ZNF516: variants seen among roughly 807,000 people sequenced by gnomAD.
The protein encoded by ZNF516 is zinc finger protein 516.
ZNF516 carries 19 observed loss-of-function variants against 79.7 expected under a neutral mutation model. The observed-to-expected ratio is 0.24, with a 90% confidence interval of 0.17 to 0.35. The LOEUF (loss-of-function observed/expected upper bound fraction) is 0.35, where lower values mean the gene tolerates loss of function less well. Among genes scored for constraint, ZNF516 ranks in the 10% least tolerant of loss-of-function variants. The pLI, the probability that ZNF516 is intolerant of heterozygous loss-of-function variation, is 1.00. For synonymous variants in ZNF516, 877 were observed against 739.5 expected, an observed-to-expected ratio of 1.19 and a Z score of -3.02; for missense variants, 1,678 against 1,679.5, an observed-to-expected ratio of 1.00 and a Z score of 0.02.
At chr18:76,407,493 G>A (rs936752191) in intron 3 of ZNF516, among the ~76,000 whole-genome samples, 2 of 152,050 alleles carry the variant, frequency 1.3e-5, no homozygotes, top group South Asian at 2.1e-4. Flanking sequence ...ACAGGGGCTC[G>A]GGCGGCAGCA....
intron 4 of ZNF516, among the ~76,000 whole-genome samples, chr18:76,374,016 A>C (rs982525131): frequency 1.3e-5 from 2 of 152,236 alleles, no homozygotes; most frequent in Non-Finnish European, 2.9e-5. Context: ...TCAGAGAGGG[A>C]CACCCAGCCC....
chr18:76,443,019 C>T lies in ZNF516; in HGVS notation c.36G>A (p.Arg12=). ...CGGCCCTGGTGGGGCTGGGGCCTCG[C>T]CTCAGCTCCATCTCGGCCTCTCTGT... is the stretch of plus-strand genomic sequence containing the variant. ...DRNREAEMEL[R]RGPSPTRAGR... The change falls in exon 3 of 7, where the codon AGG becomes AGA. Residue 12 remains arginine (R), a synonymous_variant. Coordinates refer to ENST00000443185, the MANE Select transcript of ZNF516 (RefSeq NM_014643.4). 6.3e-7 allele frequency: 1 copy of T among 1,598,172 alleles called. No individual in the cohort carries two copies. The highest frequency in any genetic ancestry group is 8.5e-7 in the Non-Finnish European group (1 of 1,177,546).
At chr18:76,401,559 G>A (rs909876802) in intron 3 of ZNF516, among the ~76,000 whole-genome samples, 1 of 151,972 alleles carries the variant, frequency 6.6e-6, no homozygotes, top group African/African-American at 2.4e-5. Flanking sequence ...TCCGCCCACG[G>A]GCTTCTCCGA....
intron 3 of ZNF516, among the ~76,000 whole-genome samples, chr18:76,415,054 C>T (rs892769345): frequency 4.6e-5 from 7 of 152,090 alleles, no homozygotes; most frequent in African/African-American, 1.7e-4. Context: ...AAAAATTAGC[C>T]AAGTGTAGTG....
At chr18:76,479,568 C>A (rs781045682) in intron 1 of ZNF516, among the ~76,000 whole-genome samples, 1 of 152,218 alleles carries the variant, frequency 6.6e-6, no homozygotes, top group East Asian at 1.9e-4. Flanking sequence ...GCGTTCGTAA[C>A]GGGCCAGAAG....
chr18:76,432,123 TG>T (rs1293620204), intron 3 of ZNF516, among the ~76,000 whole-genome samples: 1 of 152,260 alleles, frequency 6.6e-6, no homozygotes, highest in Non-Finnish European at 1.5e-5. Flanking sequence ...GGACAGGCTT[TG>T]GGATCTATCT....
At chr18:76,387,187 G>C (rs369531224) in intron 3 of ZNF516, 1 of 152,312 alleles carries the variant, frequency 6.6e-6, no homozygotes, top group Non-Finnish European at 1.5e-5. Flanking sequence ...GGTCAGACAC[G>C]TGCACAAAAT....
intron 2 of ZNF516, among the ~76,000 whole-genome samples, chr18:76,457,956 C>T: frequency 6.6e-6 from 1 of 152,182 alleles, no homozygotes; most frequent in East Asian, 1.9e-4. Context: ...AGATAAGCTT[C>T]TTCTCACCTT....
intron 3 of ZNF516, among the ~76,000 whole-genome samples, chr18:76,409,020 A>T (rs1012993700): frequency 1.6e-4 from 25 of 151,904 alleles, no homozygotes; most frequent in East Asian, 9.6e-4. Context: ...AAGAAGCTAT[A>T]AAAAAAATCA....
Position 76,443,183 on chromosome 18 carries a change from T to G in ZNF516, c.-129A>C, listed in dbSNP as rs1911831686. On this transcript the variant is annotated 5_prime_UTR_variant, in exon 3 of 7. The change abolishes an upstream ATG in the 5' untranslated region. Coordinates refer to ENST00000443185, the MANE Select transcript of ZNF516 (RefSeq NM_014643.4). ...GCTCCCAGGAGGTGCACCTTCTACA[T>G]GGGGGGCGCAGCAGCTGGCAGCCAG... 1.5e-6 allele frequency: 2 copies of G among 1,361,128 alleles called. No homozygotes were observed. Among genetic ancestry groups the G allele is most frequent in the Non-Finnish European group, 1.9e-6 (2 of 1,039,158 alleles). The allele number at this position is 1,361,128 out of a possible 1,614,324, so 84.3% of individuals were successfully genotyped here. A position where few individuals can be genotyped will look rare whatever the true frequency, so the allele number is the denominator to read the frequency against.
At chr18:76,479,004 C>T (rs1025563702) in intron 1 of ZNF516, among the ~76,000 whole-genome samples, 23 of 151,728 alleles carry the variant, frequency 1.5e-4, no homozygotes, top group Admixed American at 6.6e-5. Context: ...TGCAGTGAGC[C>T]GAGATCATGC....
chr18:76,408,938 C>G (rs1050582370), intron 3 of ZNF516, among the ~76,000 whole-genome samples: 1 of 152,144 alleles, frequency 6.6e-6, no homozygotes. Flanking sequence ...TGAGGTTCCG[C>G]CCCCACTCAG....
chr18:76,360,647 ATATATATATATATATAT>A lies in ZNF516; in HGVS notation c.*1834_*1850del, dbSNP rs1388883082. 3 of 61,798 alleles carry A rather than the reference ATATATATATATATATAT, an allele frequency of 4.9e-5. No homozygotes were observed. Among genetic ancestry groups the A allele is most frequent in the African/African-American group, 1.9e-4 (3 of 15,626 alleles). 3.8% of individuals were successfully genotyped at this position (61,798 alleles called of 1,614,324 possible). Reference sequence around the variant, plus strand: ...AAAAAATAAGTAAAAAAAAAAAAAAATATATATATATATATATATATATATATATATAAGCTAGCCAG... The same window carrying A: ...AAAAAATAAGTAAAAAAAAAAAAAAAATATATATATATATAAGCTAGCCAG... On this transcript the variant is annotated 3_prime_UTR_variant, in exon 7 of 7. Coordinates refer to ENST00000443185, the MANE Select transcript of ZNF516 (RefSeq NM_014643.4).
chr18:76,425,620 T>C lies in ZNF516; in HGVS notation c.1810+15625A>G, dbSNP rs117547540. Among the ~76,000 whole-genome samples the C allele has an allele frequency of 2.0e-3, 298 of 152,334 alleles. 2 individuals are homozygous for C. In the East Asian group the frequency reaches 0.024, roughly 12 times the overall value. ...TGTCTCAGGAAGACCGAAGGAATTC[T>C]TGGGGCTGTTTCGATTTTGAATTCA... On this transcript the variant is annotated intron_variant, in intron 3 of 6. Coordinates refer to ENST00000443185, the MANE Select transcript of ZNF516 (RefSeq NM_014643.4).
chr18:76,357,782 C>T lies in ZNF516; in HGVS notation c.*4716G>A, dbSNP rs73477126. Among the ~76,000 whole-genome samples the T allele has an allele frequency of 0.024, 3,695 of 152,230 alleles. 167 individuals are homozygous for T. Among genetic ancestry groups the T allele is most frequent in the African/African-American group, 0.084 (3,484 of 41,498 alleles). On this transcript the variant is annotated 3_prime_UTR_variant, in exon 7 of 7. Coordinates refer to ENST00000443185, the MANE Select transcript of ZNF516 (RefSeq NM_014643.4). Reference sequence around the variant, plus strand: ...AACCACAGTGCCAGCCCTTGTGTCCCCACATTTTTGACACAATAATTTCCT... The same window carrying T: ...AACCACAGTGCCAGCCCTTGTGTCCTCACATTTTTGACACAATAATTTCCT...
At chr18:76,440,044 CG>C (rs1469350604) in intron 3 of ZNF516, among the ~76,000 whole-genome samples, 1 of 152,182 alleles carries the variant, frequency 6.6e-6, no homozygotes, top group African/African-American at 2.4e-5. Flanking sequence ...ATGACTAAAA[CG>C]CGAAGTTAAA....
At chr18:76,366,540 G>C (rs577618284) in intron 6 of ZNF516, among the ~76,000 whole-genome samples, 1 of 152,152 alleles carries the variant, frequency 6.6e-6, no homozygotes, top group East Asian at 1.9e-4. Flanking sequence ...AAAGCCACAA[G>C]ACACCAAGTA....
At chr18:76,458,419 G>C (rs1912864449) in intron 2 of ZNF516, among the ~76,000 whole-genome samples, 2 of 152,176 alleles carry the variant, frequency 1.3e-5, no homozygotes, top group East Asian at 1.9e-4. Context: ...GAGTTAAAAG[G>C]TTCCTATTTT....
At chr18:76,389,163 T>A (rs2075033572) in intron 3 of ZNF516, 1 of 152,136 alleles carries the variant, frequency 6.6e-6, no homozygotes. Context: ...CATGACAGCC[T>A]TGCAGGTGGC....
Sources: allele counts gnomAD v4.1 joint callset (sites outside exome capture counted in the v4.1 genomes callset), GRCh38; gene constraint gnomAD v4.1.1; transcripts MANE v1.5; gene names NCBI Gene and HGNC (gene_info 2026-07-23, HGNC 2026-07-21).